The following FLRT2 variants were observed in gnomAD, a reference collection of about 807,000 sequenced individuals.
FLRT2 encodes fibronectin leucine rich transmembrane protein 2.
In FLRT2, 15 loss-of-function variants were observed where a neutral mutation model predicts 40.0. That is an observed-to-expected ratio of 0.38 (90% CI 0.25 to 0.58). The LOEUF is 0.58. Among genes scored for constraint, FLRT2 ranks in the 20% least tolerant of loss-of-function variants. The pLI is 0.71. For missense variants in FLRT2, 726 were observed against 840.0 expected (o/e 0.86, Z 1.68); for synonymous variants, 380 against 336.8 (o/e 1.13, Z -1.41).
chr14:85,607,798 C>G (rs1375393721), intron 1 of FLRT2, among the ~76,000 whole-genome samples: 2 of 152,172 alleles, frequency 1.3e-5, no homozygotes, highest in Non-Finnish European at 2.9e-5. Flanking sequence ...CTGTATGAGT[C>G]AGCTCATACT....
Position 85,631,681 on chromosome 14 carries a change from C to G in FLRT2, c.*8184C>G, listed in dbSNP as rs1438044449. On this transcript the variant is annotated 3_prime_UTR_variant, in exon 2 of 2. Transcript: ENST00000330753. Reference sequence around the variant, plus strand: ...TCCTTAAAATCTCTTGATTACTCATCAACATTTTTAAAAGAAATTTTGTTT... The same window carrying G: ...TCCTTAAAATCTCTTGATTACTCATGAACATTTTTAAAAGAAATTTTGTTT... 1 of 152,160 alleles carries G rather than the reference C, an allele frequency of 6.6e-6. No homozygotes were observed. Among genetic ancestry groups the G allele is most frequent in the Non-Finnish European group, 1.5e-5 (1 of 68,040 alleles). The allele number at this position is 152,160 out of a possible 1,614,324, so 9.4% of individuals were successfully genotyped here. A position where few individuals can be genotyped will look rare whatever the true frequency, so the allele number is the denominator to read the frequency against.
intron 1 of FLRT2, among the ~76,000 whole-genome samples, chr14:85,534,240 C>T (rs1888502591): frequency 6.6e-6 from 1 of 152,202 alleles, no homozygotes; most frequent in Non-Finnish European, 1.5e-5. Context: ...TCTTGTAGCT[C>T]TTTGGAAATT....
At chr14:85,566,236 A>G (rs2139853268) in intron 1 of FLRT2, among the ~76,000 whole-genome samples, 1 of 152,316 alleles carries the variant, frequency 6.6e-6, no homozygotes, top group Non-Finnish European at 1.5e-5. Context: ...TCACAATGAT[A>G]CTTGGCCTAA....
chr14:85,572,058 T>C (rs765631525), intron 1 of FLRT2, among the ~76,000 whole-genome samples: 5 of 152,218 alleles, frequency 3.3e-5, no homozygotes, highest in Non-Finnish European at 5.9e-5. Context: ...CCTAGACAGC[T>C]ATGGCCTCAC....
intron 1 of FLRT2, among the ~76,000 whole-genome samples, chr14:85,573,635 G>T (rs1335246785): frequency 6.6e-6 from 1 of 152,160 alleles, no homozygotes; most frequent in Non-Finnish European, 1.5e-5. Context: ...AGGAGGAATT[G>T]TTTAACGGTG....
Position 85,626,822 on chromosome 14 carries a change from G to A in FLRT2, c.*3325G>A, listed in dbSNP as rs1372619407. ...CCCTGAGGTTAAAAACAAAAAGTAC[G>A]TGACCAGTCTGGTAAGAAGTATTAA... On this transcript the variant is annotated 3_prime_UTR_variant, in exon 2 of 2. Coordinates refer to ENST00000330753, the MANE Select transcript of FLRT2 (RefSeq NM_013231.6). 1 of 167,064 alleles carries A rather than the reference G, an allele frequency of 6.0e-6. No homozygotes were observed. Among genetic ancestry groups the A allele is most frequent in the Non-Finnish European group, 1.5e-5 (1 of 68,120 alleles). The allele number at this position is 167,064 out of a possible 1,614,324, so 10.3% of individuals were successfully genotyped here.
intron 1 of FLRT2, among the ~76,000 whole-genome samples, chr14:85,618,122 C>T (rs1893216212): frequency 1.3e-5 from 2 of 152,204 alleles, no homozygotes; most frequent in Non-Finnish European, 2.9e-5. Flanking sequence ...CTAGGCCCAT[C>T]CCTGAGTACT....
Position 85,623,357 on chromosome 14 carries a change from G to A in FLRT2, c.1843G>A (p.Asp615Asn), listed in dbSNP as rs866102871. The stretch of plus-strand genomic sequence containing the variant: ...TTTTCAGATCGTCTCCTTAAATAAC[G>A]ATCAACTCCTTAAAGGAGATTTCAG... ...TSFQIVSLNN[D>N]QLLKGDFRLQ... Residue 615 changes from aspartate to asparagine, a missense_variant, in exon 2 of 2, where the codon GAT becomes AAT. Coordinates refer to ENST00000330753, the MANE Select transcript of FLRT2 (RefSeq NM_013231.6). 2 of 1,523,608 alleles carry A rather than the reference G, an allele frequency of 1.3e-6. No homozygotes were observed. Among genetic ancestry groups the A allele is most frequent in the African/African-American group, 1.4e-5 (1 of 71,744 alleles). The allele number at this position is 1,523,608 out of a possible 1,614,324, so 94.4% of individuals were successfully genotyped here. A position where few individuals can be genotyped will look rare whatever the true frequency, so the allele number is the denominator to read the frequency against.
chr14:85,607,840 T>C (rs557717159), intron 1 of FLRT2, among the ~76,000 whole-genome samples: 2 of 152,342 alleles, frequency 1.3e-5, no homozygotes, highest in East Asian at 1.9e-4. Context: ...CTGCACAGAC[T>C]GGATGACTTG....
chr14:85,556,726 T>C (rs528301162), intron 1 of FLRT2, among the ~76,000 whole-genome samples: 2 of 152,240 alleles, frequency 1.3e-5, no homozygotes, highest in African/African-American at 2.4e-5. Context: ...ATACATAGAA[T>C]AGTGCTTGGC....
chr14:85,627,685 C>T lies in FLRT2; in HGVS notation c.*4188C>T, dbSNP rs539544522. 6.0e-6 allele frequency: 1 copy of T among 167,036 alleles called. No individual in the cohort carries two copies. The highest frequency in any genetic ancestry group is 1.9e-4 in the East Asian group (1 of 5,196). The allele number at this position is 167,036 out of a possible 1,614,324, so 10.3% of individuals were successfully genotyped here. ...TGAAGGCATTGCCAAGTGTGTGTCG[C>T]TCATAGGACTAGTGTATATTCACTG... On this transcript the variant is annotated 3_prime_UTR_variant, in exon 2 of 2. Transcript: ENST00000330753.
At chr14:85,553,595 C>A (rs113197415) in intron 1 of FLRT2, among the ~76,000 whole-genome samples, 2 of 151,944 alleles carry the variant, frequency 1.3e-5, no homozygotes, top group African/African-American at 2.4e-5. Flanking sequence ...GTGGGGACTA[C>A]GGACATTAGA....
At chr14:85,571,376 T>C (rs1186272221) in intron 1 of FLRT2, among the ~76,000 whole-genome samples, 1 of 152,184 alleles carries the variant, frequency 6.6e-6, no homozygotes. Flanking sequence ...TCAAATAATG[T>C]ATAATATGAC....
intron 1 of FLRT2, among the ~76,000 whole-genome samples, chr14:85,617,308 T>G (rs1437195675): frequency 1.3e-5 from 2 of 152,232 alleles, no homozygotes; most frequent in South Asian, 4.1e-4. Context: ...AGCATTATTA[T>G]GTTCTTGCCA....
chr14:85,545,091 C>T (rs984490313), intron 1 of FLRT2, among the ~76,000 whole-genome samples: 1 of 152,144 alleles, frequency 6.6e-6, no homozygotes, highest in African/African-American at 2.4e-5. Flanking sequence ...TATAACACCA[C>T]CCCAGATCTT....
intron 1 of FLRT2, among the ~76,000 whole-genome samples, chr14:85,553,945 C>T (rs2057115): frequency 0.77 from 116,576 of 152,020 alleles, 45,107 homozygotes; most frequent in Middle Eastern, 0.88. Flanking sequence ...CAGTTTTATA[C>T]TCATTCACTT....
chr14:85,568,955 A>C (rs1309885441), intron 1 of FLRT2, among the ~76,000 whole-genome samples: 1 of 152,066 alleles, frequency 6.6e-6, no homozygotes, highest in African/African-American at 2.4e-5. Context: ...CCCTTCTCTT[A>C]AGGATTTGCC....
At position 85,646,122 on chromosome 14, in the gene FLRT2, G is replaced by A. The variant is rs562536283; in HGVS notation, c.*22625G>A. 1 of 152,192 alleles carries A rather than the reference G, an allele frequency of 6.6e-6. No homozygotes were observed. The highest frequency in any genetic ancestry group is 6.6e-5 in the Admixed American group (1 of 15,264). The allele number at this position is 152,192 out of a possible 1,614,324, so 9.4% of individuals were successfully genotyped here. On this transcript the variant is annotated 3_prime_UTR_variant, in exon 2 of 2. Coordinates refer to ENST00000330753, the MANE Select transcript of FLRT2 (RefSeq NM_013231.6). ...ACAGTGGATTTATTTATGGCACAGA[G>A]GTTAAGAAAATGAACTCAGGCCGGT...
intron 1 of FLRT2, among the ~76,000 whole-genome samples, chr14:85,605,791 A>C (rs1892581946): frequency 1.3e-5 from 2 of 152,094 alleles, no homozygotes; most frequent in Admixed American, 1.3e-4. Flanking sequence ...TAAATAAAAT[A>C]AAATAACTTG....
Sources: gnomAD v4.1 joint callset for allele counts (sites outside exome capture counted in the v4.1 genomes callset) on GRCh38, gnomAD v4.1.1 for gene constraint, MANE v1.5 for transcripts, NCBI Gene and HGNC (gene_info 2026-07-23, HGNC 2026-07-21) for gene names.